Variants in GPHN observed in about 807,000 individuals in gnomAD.
The protein encoded by GPHN is gephyrin.
GPHN carries 17 observed loss-of-function variants against 95.5 expected under a neutral mutation model. The observed-to-expected ratio is 0.18, with a 90% CI of 0.12 to 0.27. The LOEUF (loss-of-function observed/expected upper bound fraction) is 0.27. Ranked by LOEUF, GPHN falls within the 10% of genes least tolerant of loss-of-function variation. The pLI is 1.00. For synonymous variants in GPHN, 320 were observed against 322.5 expected (o/e 0.99, Z 0.08); for missense variants, 660 against 978.1 (o/e 0.67, Z 4.34).
At chr14:67,320,959 C>A in the GPHN span, 1 of 927,184 alleles carries the variant, frequency 1.1e-6, no homozygotes. Context: ...ATTTTATAAT[C>A]TGTGTTACAA....
chr14:67,475,046 G>A, the GPHN span, among the ~76,000 whole-genome samples: 1 of 151,464 alleles, frequency 6.6e-6, no homozygotes, highest in Non-Finnish European at 1.5e-5. Flanking sequence ...CTCCTGAGTA[G>A]CTGGGACTAC....
rs372257403 is a variant in GPHN, at chr14:66,818,814, C to CATT, written c.202-5660_202-5659insATT. On this transcript the variant is annotated intron_variant, in intron 3 of 22. Transcript: ENST00000478722. ...TTCTGACTTGCATGAGATGATATCT[C>CATT]GTTGTTTTGATTTGCATTTTGCTAA... 3.1e-3 allele frequency among the ~76,000 whole-genome samples: 468 copies of CATT among 152,070 alleles called. 10 individuals carry two copies. The highest frequency in any genetic ancestry group is 0.011 in the African/African-American group (443 of 41,494).
chr14:66,992,638 G>T (rs1177721256), intron 9 of GPHN, among the ~76,000 whole-genome samples: 1 of 151,988 alleles, frequency 6.6e-6, no homozygotes, highest in Non-Finnish European at 1.5e-5. Flanking sequence ...TTATATTTTT[G>T]ATAAATAGAT....
the GPHN span, chr14:67,397,681 A>G: frequency 1.9e-6 from 3 of 1,612,110 alleles, no homozygotes; most frequent in East Asian, 6.7e-5. Context: ...TTCATACTCC[A>G]GGCAGGGGCA....
In GPHN at chr14:67,122,411, T is replaced by C. The variant is rs151200793; in HGVS notation, c.1748+34T>C. ...TTGATGTCATTCTGAAAAGTTTGTA[T>C]TGTACAAATACGAGTTTTTGGAATA... On this transcript the variant is annotated intron_variant, in intron 17 of 22. Transcript: ENST00000478722. 94 of 1,599,278 alleles carry C rather than the reference T, an allele frequency of 5.9e-5. No homozygotes were observed. The African/African-American group carries it at 1.1e-3, about 19-fold the overall frequency.
chr14:67,584,236 C>G, the GPHN span: 1 of 1,028,764 alleles, frequency 9.7e-7, no homozygotes, highest in Non-Finnish European at 1.4e-6. Context: ...CACCAGAGGT[C>G]ACTATCCCTC....
the GPHN span, chr14:67,583,590 A>T: frequency 1.8e-6 from 1 of 557,256 alleles, no homozygotes; most frequent in Non-Finnish European, 3.1e-6. Flanking sequence ...ATAAAACTTG[A>T]GATGAAGCGT....
the GPHN span, chr14:67,294,792 C>G: frequency 6.6e-6 from 1 of 152,224 alleles, no homozygotes; most frequent in Non-Finnish European, 1.5e-5. Flanking sequence ...CCTGCCTCAG[C>G]CTTCGGAGTA....
chr14:67,280,857 C>CTCCTTCCTTCCTTCCT, the GPHN span, among the ~76,000 whole-genome samples: 4 of 53,250 alleles, frequency 7.5e-5, no homozygotes, highest in African/African-American at 2.8e-4. Flanking sequence ...CCTTCCTTCC[C>CTCCTTCCTTCCTTCCT]TCCCTCCCTC....
the GPHN span, among the ~76,000 whole-genome samples, chr14:67,728,703 T>TA: frequency 7.0e-6 from 1 of 142,154 alleles, no homozygotes; most frequent in Non-Finnish European, 1.5e-5. Context: ...GGATATCTTG[T>TA]GGGGGGGGGG....
At chr14:67,392,425 A>G in the GPHN span, 114 of 1,610,262 alleles carry the variant, frequency 7.1e-5, no homozygotes, top group African/African-American at 1.4e-3. Flanking sequence ...TGTAGCTCTC[A>G]GCCTAGGGGG....
intron 13 of GPHN, among the ~76,000 whole-genome samples, chr14:67,103,925 A>C (rs1273452756): frequency 6.6e-6 from 1 of 152,168 alleles, no homozygotes; most frequent in Non-Finnish European, 1.5e-5. Flanking sequence ...AAGTGTTGAA[A>C]GTGGGCATCC....
chr14:67,179,770 T>G (rs1388698879), intron 22 of GPHN, 96 bp downstream of exon 22: 7 of 751,482 alleles, frequency 9.3e-6, no homozygotes, highest in African/African-American at 1.8e-5. Flanking sequence ...ATTTTGTAAT[T>G]ATTATACATT....
chr14:67,578,306 C>T, the GPHN span: 16 of 982,870 alleles, frequency 1.6e-5, no homozygotes, highest in Middle Eastern at 2.5e-4. The surrounding 1 kb of genome is among the most constrained non-coding windows in gnomAD (Gnocchi z 5.0). Context: ...GCCCAGCCAG[C>T]GGGCAGCCTC....
chr14:66,639,121 A>AATAT lies in GPHN; in HGVS notation c.65-41973_65-41970dup, dbSNP rs4058479. On this transcript the variant is annotated intron_variant, in intron 1 of 22. Coordinates refer to ENST00000478722, the MANE Select transcript of GPHN (RefSeq NM_020806.5). ...CCTAAGTGGACAAATACTGAAGGTA[A>AATAT]ATATATATATATATATGCATAGGTG... 3.1e-4 allele frequency among the ~76,000 whole-genome samples: 45 copies of AATAT among 146,060 alleles called. 2 individuals are homozygous for AATAT. Among genetic ancestry groups the AATAT allele is most frequent in the African/African-American group, 1.0e-3 (40 of 38,438 alleles).
intron 10 of GPHN, among the ~76,000 whole-genome samples, chr14:67,034,818 A>G (rs1208528977): frequency 6.6e-6 from 1 of 152,140 alleles, no homozygotes; most frequent in East Asian, 1.9e-4. Context: ...AGAATAGACA[A>G]TAACACAATA....
At chr14:66,774,690 C>T (rs924060099) in intron 2 of GPHN, among the ~76,000 whole-genome samples, 21 of 152,100 alleles carry the variant, frequency 1.4e-4, no homozygotes, top group African/African-American at 5.1e-4. Context: ...TTCTCTAACC[C>T]AACTTTTATT....
At chr14:67,271,622 T>C in the GPHN span, 551 of 152,362 alleles carry the variant, frequency 3.6e-3, 1 homozygote, top group Non-Finnish European at 6.7e-3. Flanking sequence ...TCTGGAGGCT[T>C]TTCTCTTAAA....
the GPHN span, chr14:67,690,487 C>T: frequency 7.5e-7 from 1 of 1,335,426 alleles, no homozygotes; most frequent in South Asian, 1.2e-5. Context: ...TCGTGGTGAG[C>T]AGGCCTCACC....
Sources: gnomAD v4.1 joint callset for allele counts (sites outside exome capture counted in the v4.1 genomes callset) on GRCh38, gnomAD v4.1.1 for gene constraint, Gnocchi (gnomAD v3.1) non-coding constraint, MANE v1.5 for transcripts, NCBI Gene and HGNC (gene_info 2026-07-23, HGNC 2026-07-21) for gene names.